Variants in EIF2A observed in about 807,000 individuals in gnomAD.
The protein encoded by EIF2A is eukaryotic translation initiation factor 2A.
In EIF2A, 62 loss-of-function variants were observed where a neutral mutation model predicts 75.2. That is an observed-to-expected ratio of 0.82 (90% CI 0.67 to 1.02). The LOEUF (loss-of-function observed/expected upper bound fraction) is 1.02. EIF2A is among the 50% of genes least tolerant of loss of function. EIF2A has a pLI of 0.00. For missense variants in EIF2A, 611 were observed against 677.7 expected (o/e 0.90, Z 1.09); for synonymous variants, 207 against 239.0 (o/e 0.87, Z 1.23).
At chr3:150,581,056 C>T (rs988375724) in intron 11 of EIF2A, among the ~76,000 whole-genome samples, 8 of 151,944 alleles carry the variant, frequency 5.3e-5, no homozygotes, top group African/African-American at 1.5e-4. Context: ...AGCACCTTAG[C>T]GGAAATAAAA....
chr3:150,585,418 C>T lies in EIF2A; in HGVS notation c.*1507C>T, dbSNP rs1725416776. 6.6e-6 allele frequency: 1 copy of T among 152,202 alleles called. No individual in the cohort carries two copies. The highest frequency in any genetic ancestry group is 2.1e-4 in the South Asian group (1 of 4,826). 9.4% of individuals were successfully genotyped at this position (152,202 alleles called of 1,614,324 possible). A position where few individuals can be genotyped will look rare whatever the true frequency, so the allele number is the denominator to read the frequency against. ...CCTGTAATCCCAGCTACTTGGGAGG[C>T]TGAGGTAGGAAAATTGTTTGAACCC... On this transcript the variant is annotated 3_prime_UTR_variant, in exon 14 of 14. Coordinates refer to ENST00000460851, the MANE Select transcript of EIF2A (RefSeq NM_032025.5).
chr3:150,554,209 C>T (rs571242082), intron 2 of EIF2A, among the ~76,000 whole-genome samples: 2 of 151,422 alleles, frequency 1.3e-5, no homozygotes, highest in African/African-American at 4.8e-5. Context: ...TATAAATGCT[C>T]CCCCGAAAAA....
rs777088608 is a variant in EIF2A at position 150,584,936 on chromosome 3, A to G, written c.*1025A>G. On this transcript the variant is annotated 3_prime_UTR_variant, in exon 14 of 14. Coordinates refer to ENST00000460851, the MANE Select transcript of EIF2A (RefSeq NM_032025.5). Reference sequence around the variant, plus strand: ...TGAAAATTAAGTCTGTTCCACTACCACATTTTCCAGTTTTTTGTGTATCTT... The same window carrying G: ...TGAAAATTAAGTCTGTTCCACTACCGCATTTTCCAGTTTTTTGTGTATCTT... 6.6e-5 allele frequency among the ~76,000 whole-genome samples: 10 copies of G among 151,860 alleles called. No individual in the cohort carries two copies. The highest frequency in any genetic ancestry group is 1.5e-4 in the Non-Finnish European group (10 of 67,970).
chr3:150,548,440 A>G (rs996793312), intron 1 of EIF2A, among the ~76,000 whole-genome samples: 2 of 152,160 alleles, frequency 1.3e-5, no homozygotes, highest in African/African-American at 2.4e-5. Context: ...GAGTCCTTCA[A>G]TGTCAGCGAC....
chr3:150,583,996 G>A lies in EIF2A; in HGVS notation c.*85G>A. 2.4e-6 allele frequency: 3 copies of A among 1,253,638 alleles called. No homozygotes were observed. Among genetic ancestry groups the A allele is most frequent in the African/African-American group, 1.5e-5 (1 of 66,866 alleles). The allele number at this position is 1,253,638 out of a possible 1,614,324, so 77.7% of individuals were successfully genotyped here. ...CCATTGGTATACACAGAATATTCCT[G>A]TGCCCACACTTAATGTCAATCTATA... On this transcript the variant is annotated 3_prime_UTR_variant, in exon 14 of 14. Transcript: ENST00000460851.
chr3:150,546,992 G>A (rs17280260), intron 1 of EIF2A, 162 bp downstream of exon 1: 57,328 of 882,280 alleles, frequency 0.065, 2,209 homozygotes, highest in South Asian at 0.14. Context: ...CGTGGCAATC[G>A]GAAGTGAAGT....
intron 12 of EIF2A, 104 bp downstream of exon 12, chr3:150,581,850 A>G (rs1436376688): frequency 2.2e-6 from 3 of 1,351,020 alleles, no homozygotes; most frequent in Non-Finnish European, 3.0e-6. Flanking sequence ...AGAAGTTGGT[A>G]TCAGCAGTTC....
At chr3:150,567,401 A>G (rs964750009) in intron 6 of EIF2A, 1 of 262,714 alleles carries the variant, frequency 3.8e-6, no homozygotes, top group African/African-American at 2.2e-5. Context: ...TCAAATACCT[A>G]CCATGTGCCT....
chr3:150,567,883 T>A lies in EIF2A; in HGVS notation c.550-19T>A, dbSNP rs758008882. 1.3e-6 allele frequency: 2 copies of A among 1,588,020 alleles called. No individual in the cohort carries two copies. Among genetic ancestry groups the A allele is most frequent in the Non-Finnish European group, 1.7e-6 (2 of 1,172,574 alleles). ...ATTCTTCAAAAAATTAAGTAATGATTTATGTCTATGTATCTTAGGTGGCTG... is the reference window on the plus strand; with the variant it reads ...ATTCTTCAAAAAATTAAGTAATGATATATGTCTATGTATCTTAGGTGGCTG... On this transcript the variant is annotated intron_variant, in intron 7 of 13. Coordinates refer to ENST00000460851, the MANE Select transcript of EIF2A (RefSeq NM_032025.5).
chr3:150,571,385 C>T (rs1331308977), intron 9 of EIF2A, among the ~76,000 whole-genome samples: 1 of 152,116 alleles, frequency 6.6e-6, no homozygotes, highest in East Asian at 1.9e-4. Flanking sequence ...GGTGATCTGC[C>T]CACCTTGGCC....
At chr3:150,554,284 T>G (rs74443030) in intron 2 of EIF2A, among the ~76,000 whole-genome samples, 16,933 of 152,176 alleles carry the variant, frequency 0.11, 1,223 homozygotes, top group Non-Finnish European at 0.16. Flanking sequence ...CTCATTACTT[T>G]GAAAATTGAT....
chr3:150,564,277 T>A, intron 5 of EIF2A, 22 bp from the exon 6 acceptor site: 1 of 1,491,398 alleles, frequency 6.7e-7, no homozygotes, highest in Non-Finnish European at 9.0e-7. Context: ...TTTTATACTT[T>A]TTTTTTTTTT....
intron 11 of EIF2A, among the ~76,000 whole-genome samples, chr3:150,579,655 C>T (rs888365294): frequency 6.8e-6 from 1 of 147,068 alleles, no homozygotes; most frequent in Non-Finnish European, 1.5e-5. Context: ...GTGGAGGTTG[C>T]AATGAGCTGG....
intron 9 of EIF2A, 78 bp from the exon 10 acceptor site, chr3:150,571,879 AC>A (rs1724544928): frequency 7.7e-7 from 1 of 1,295,888 alleles, no homozygotes; most frequent in South Asian, 1.5e-5. Flanking sequence ...GTTTGTGAGT[AC>A]TATATGATGG....
intron 6 of EIF2A, chr3:150,566,644 C>T (rs1377102418): frequency 7.9e-5 from 12 of 151,982 alleles, no homozygotes; most frequent in African/African-American, 2.9e-4. Context: ...TCTGTCACCA[C>T]CAAGAATCTT....
At chr3:150,570,339 A>G (rs1724436461) in intron 9 of EIF2A, among the ~76,000 whole-genome samples, 2 of 152,114 alleles carry the variant, frequency 1.3e-5, no homozygotes, top group African/African-American at 4.8e-5. Flanking sequence ...AAATTTTCTT[A>G]ATATATCAAG....
chr3:150,565,630 CT>C (rs1352201576), intron 6 of EIF2A, among the ~76,000 whole-genome samples: 2 of 152,044 alleles, frequency 1.3e-5, no homozygotes, highest in Non-Finnish European at 2.9e-5. Context: ...GCAATCATGG[CT>C]CACTGCAATC....
At chr3:150,577,282 A>G (rs1724927127) in intron 11 of EIF2A, among the ~76,000 whole-genome samples, 1 of 152,104 alleles carries the variant, frequency 6.6e-6, no homozygotes, top group African/African-American at 2.4e-5. Flanking sequence ...GTCCCAAACT[A>G]TGAATTTGAG....
intron 3 of EIF2A, among the ~76,000 whole-genome samples, chr3:150,561,933 A>G (rs1440098775): frequency 1.3e-5 from 2 of 151,152 alleles, no homozygotes; most frequent in Non-Finnish European, 2.9e-5. Flanking sequence ...TAATTTTTGT[A>G]GTGTTAGTAG....
Sources: allele counts gnomAD v4.1 joint callset (sites outside exome capture counted in the v4.1 genomes callset), GRCh38; gene constraint gnomAD v4.1.1; transcripts MANE v1.5; gene names NCBI Gene and HGNC (gene_info 2026-07-23, HGNC 2026-07-21).